MSRA: variants seen among roughly 807,000 people sequenced by gnomAD.
MSRA encodes mitochondrial peptide methionine sulfoxide reductase.
MSRA carries 54 observed loss-of-function variants against 31.3 expected under a neutral mutation model. The observed-to-expected ratio is 1.73, with a 90% CI of 1.39 to 2.17. The LOEUF (loss-of-function observed/expected upper bound fraction) is 2.17, where lower values mean the gene tolerates loss of function less well. Among genes scored for constraint, MSRA ranks in the 30% most tolerant of loss-of-function variants. The pLI, the probability that MSRA is intolerant of heterozygous loss-of-function variation, is 0.00. For missense variants in MSRA, 507 were observed against 300.9 expected (o/e 1.69, Z -5.07); for synonymous variants, 169 against 116.5 (o/e 1.45, Z -2.90).
intron 1 of MSRA, 125 bp downstream of exon 1, chr8:10,054,783 G>T: frequency 1.8e-6 from 2 of 1,125,782 alleles, no homozygotes; most frequent in Non-Finnish European, 2.3e-6. Context: ...GCGGGGTGGG[G>T]GTCTGCGCAG....
chr8:10,366,018 T>C (rs1805145144), intron 5 of MSRA, among the ~76,000 whole-genome samples: 1 of 152,200 alleles, frequency 6.6e-6, no homozygotes, highest in Non-Finnish European at 1.5e-5. Flanking sequence ...ATTCCCCTGC[T>C]CCTTCAGGAC....
intron 5 of MSRA, among the ~76,000 whole-genome samples, chr8:10,396,972 G>T (rs760428113): frequency 2.6e-5 from 4 of 152,150 alleles, no homozygotes; most frequent in Non-Finnish European, 5.9e-5. Flanking sequence ...TCAGAGTGTC[G>T]CTGAGTACCA....
At chr8:10,075,950 G>A (rs994815157) in intron 1 of MSRA, among the ~76,000 whole-genome samples, 2 of 152,182 alleles carry the variant, frequency 1.3e-5, no homozygotes, top group Non-Finnish European at 2.9e-5. Flanking sequence ...GACCTTTCAT[G>A]ACCATACGTC....
At chr8:10,084,062 A>G (rs939522117) in intron 1 of MSRA, among the ~76,000 whole-genome samples, 1 of 152,352 alleles carries the variant, frequency 6.6e-6, no homozygotes, top group Non-Finnish European at 1.5e-5. Flanking sequence ...GCAGTGTCAC[A>G]TCTTAAGAGG....
At chr8:10,326,192 T>G (rs1372604927) in intron 5 of MSRA, among the ~76,000 whole-genome samples, 1 of 152,214 alleles carries the variant, frequency 6.6e-6, no homozygotes, top group African/African-American at 2.4e-5. Flanking sequence ...GACCCCCTAG[T>G]ACCCAGCTTC....
chr8:10,140,132 G>T (rs146687640), intron 1 of MSRA, among the ~76,000 whole-genome samples: 1 of 152,348 alleles, frequency 6.6e-6, no homozygotes, highest in East Asian at 1.9e-4. Context: ...AGTGTGGTGT[G>T]ATTAGACAAA....
intron 5 of MSRA, among the ~76,000 whole-genome samples, chr8:10,374,101 G>A (rs781569010): frequency 1.3e-5 from 2 of 152,218 alleles, no homozygotes; most frequent in Non-Finnish European, 2.9e-5. Flanking sequence ...TGATCGAGAA[G>A]TCAAGCCGCC....
chr8:10,367,809 AGAG>A (rs1214175190), intron 5 of MSRA, among the ~76,000 whole-genome samples: 3 of 152,210 alleles, frequency 2.0e-5, no homozygotes, highest in Non-Finnish European at 2.9e-5. Context: ...CACATCTGGA[AGAG>A]GGTAACTGGG....
intron 2 of MSRA, among the ~76,000 whole-genome samples, chr8:10,244,777 G>T (rs1428549430): frequency 6.6e-6 from 1 of 152,134 alleles, no homozygotes; most frequent in Non-Finnish European, 1.5e-5. Flanking sequence ...TTCAAGTTAT[G>T]AATTGGATGT....
At chr8:10,283,170 T>TCTCTCTCTCTCTCTC (rs1554515466) in intron 3 of MSRA, among the ~76,000 whole-genome samples, 3 of 93,756 alleles carry the variant, frequency 3.2e-5, no homozygotes, top group African/African-American at 7.2e-5. Context: ...ACTCTCACCC[T>TCTCTCTCTCTCTCTC]TCTCTTTGCT....
chr8:10,396,713 C>A (rs758049961), intron 5 of MSRA, among the ~76,000 whole-genome samples: 1 of 152,204 alleles, frequency 6.6e-6, no homozygotes, highest in Admixed American at 6.5e-5. Flanking sequence ...GTTTCCACTT[C>A]CTTCTCTTCT....
chr8:10,424,338 G>C (rs1012119913), intron 5 of MSRA, among the ~76,000 whole-genome samples: 1 of 152,176 alleles, frequency 6.6e-6, no homozygotes, highest in African/African-American at 2.4e-5. Flanking sequence ...GAATCAGGGA[G>C]AAGGGCCTGG....
Position 10,358,079 on chromosome 8 carries a change from T to C in MSRA, c.543+38090T>C, listed in dbSNP as rs191711838. 3.8e-3 allele frequency among the ~76,000 whole-genome samples: 573 copies of C among 152,266 alleles called. 1 individual carries two copies. Among genetic ancestry groups the C allele is most frequent in the Non-Finnish European group, 5.7e-3 (385 of 68,018 alleles). The stretch of plus-strand genomic sequence containing the variant: ...CTGGGATTACAGGTGTGCACCACCA[T>C]GCCCAGCTAATTTTTGTATTATTAT... On this transcript the variant is annotated intron_variant, in intron 5 of 5. Coordinates refer to ENST00000317173, the MANE Select transcript of MSRA (RefSeq NM_012331.5).
intron 1 of MSRA, among the ~76,000 whole-genome samples, chr8:10,165,411 G>C (rs1002766834): frequency 2.6e-5 from 4 of 152,004 alleles, no homozygotes; most frequent in East Asian, 1.9e-4. Flanking sequence ...CCCAAGCTTA[G>C]GCCAGAACAG....
rs559094516 is a variant in MSRA, at chr8:10,164,519, C to T, written c.143-43314C>T. Among the ~76,000 whole-genome samples the T allele has an allele frequency of 1.4e-3, 209 of 151,704 alleles. 1 individual carries two copies. Among genetic ancestry groups the T allele is most frequent in the African/African-American group, 4.9e-3 (202 of 41,346 alleles). On this transcript the variant is annotated intron_variant, in intron 1 of 5. Transcript: ENST00000317173. Reference sequence around the variant, plus strand: ...TCCTCTCTAGGACTCCTGAATAGGCCGAAGAAAAAATTAAATATTTAATAA... The same window carrying T: ...TCCTCTCTAGGACTCCTGAATAGGCTGAAGAAAAAATTAAATATTTAATAA...
chr8:10,238,325 C>T (rs776822918), intron 2 of MSRA, among the ~76,000 whole-genome samples: 1 of 152,206 alleles, frequency 6.6e-6, no homozygotes, highest in Non-Finnish European at 1.5e-5. Flanking sequence ...TCTCTCTGAC[C>T]TGCTCTGCTT....
chr8:10,195,380 A>C (rs1430149194), intron 1 of MSRA, among the ~76,000 whole-genome samples: 1 of 152,174 alleles, frequency 6.6e-6, no homozygotes, highest in Non-Finnish European at 1.5e-5. Context: ...AGCTGGGACT[A>C]CAGGCACATG....
chr8:10,252,093 A>G (rs1161907375), intron 3 of MSRA, among the ~76,000 whole-genome samples: 1 of 152,236 alleles, frequency 6.6e-6, no homozygotes, highest in African/African-American at 2.4e-5. Flanking sequence ...GTCCTGACTA[A>G]TAACCTTATT....
intron 1 of MSRA, among the ~76,000 whole-genome samples, chr8:10,177,477 G>C (rs1806156005): frequency 6.6e-6 from 1 of 152,194 alleles, no homozygotes; most frequent in African/African-American, 2.4e-5. Flanking sequence ...AGTTCAGCGA[G>C]CTGGCTTCAT....
Sources: allele counts gnomAD v4.1 joint callset (sites outside exome capture counted in the v4.1 genomes callset), GRCh38; gene constraint gnomAD v4.1.1; transcripts MANE v1.5; gene names NCBI Gene and HGNC (gene_info 2026-07-23, HGNC 2026-07-21).